The following KCNQ1OT1 variants were observed in gnomAD, a reference collection of about 807,000 sequenced individuals.
The protein encoded by KCNQ1OT1 is KCNQ1 antisense RNA 2 (non-protein coding).
At chr11:2,648,975 CTTTTTCTTTTTTTTT>C in exon 1 of KCNQ1OT1, 1 of 336,236 alleles carries the variant, frequency 3.0e-6, no homozygotes, top group Admixed American at 6.4e-5. Context: ...TCTCTTTTTT[CTTTTTCTTTTTTTTT>C]TTTTTTTTTT....
At chr11:2,665,694 A>G in exon 1 of KCNQ1OT1, 1 of 397,858 alleles carries the variant, frequency 2.5e-6, no homozygotes, top group Non-Finnish European at 4.4e-6. Context: ...CAGGAGGGAG[A>G]AGGGCATGTA....
chr11:2,656,998 G>A (rs1415264863), exon 1 of KCNQ1OT1: 1 of 398,496 alleles, frequency 2.5e-6, no homozygotes, highest in East Asian at 3.6e-5. Context: ...TTCCCAGGAT[G>A]TGCAGGCCAC....
exon 1 of KCNQ1OT1, chr11:2,675,628 A>AT (rs1396779399): frequency 5.0e-6 from 2 of 398,476 alleles, no homozygotes; most frequent in African/African-American, 4.1e-5. Context: ...AGCACCCCTT[A>AT]TTAGAGGGTG....
At position 2,654,481 on chromosome 11, in the gene KCNQ1OT1, G is replaced by A. The variant is rs530682960; in HGVS notation, n.45514C>T. 20 of 398,760 alleles carry A rather than the reference G, an allele frequency of 5.0e-5. No homozygotes were observed. Among genetic ancestry groups the A allele is most frequent in the Middle Eastern group, 6.3e-4 (1 of 1,590 alleles). The allele number at this position is 398,760 out of a possible 1,614,324, so 24.7% of individuals were successfully genotyped here. A position where few individuals can be genotyped will look rare whatever the true frequency, so the allele number is the denominator to read the frequency against. On this transcript the variant is annotated non_coding_transcript_exon_variant, in exon 1 of 1. Coordinates refer to ENST00000597346, the Ensembl canonical transcript of KCNQ1OT1. This position sits in a 1 kb window ranked among gnomAD's most constrained non-coding sequence, Gnocchi z 6.4. ...CCAGGCACACATAAGCCCTGCAGCC[G>A]TACAGGGGAGGGGGCAATCTCCGGA...
rs1850140448 is a variant in KCNQ1OT1 at position 2,669,313 on chromosome 11, T to G, written n.30682A>C. ...CTCACCATACATATGCCAGTTGCCA[T>G]GGAAAGCCTCCTCTAGGCGCAGCAG... On this transcript the variant is annotated non_coding_transcript_exon_variant, in exon 1 of 1. Transcript: ENST00000597346. This position sits in a 1 kb window ranked among gnomAD's most constrained non-coding sequence, Gnocchi z 5.6. 1 of 398,632 alleles carries G rather than the reference T, an allele frequency of 2.5e-6. No homozygotes were observed. The highest frequency in any genetic ancestry group is 4.4e-6 in the Non-Finnish European group (1 of 226,074). 24.7% of individuals were successfully genotyped at this position (398,632 alleles called of 1,614,324 possible).
chr11:2,631,229 C>T (rs1181145539), exon 1 of KCNQ1OT1: 1 of 398,506 alleles, frequency 2.5e-6, no homozygotes, highest in Admixed American at 4.4e-5. Context: ...AACATTAACT[C>T]TCCTGATGGT....
rs1284024568 is a variant in KCNQ1OT1, at chr11:2,620,221, T to TATTA, written n.79773_79774insTAAT. Reference sequence around the variant, plus strand: ...CATGTATATATATATATTTTTTTTTTTTATTTTTTTTTTAGACGGAGTTTC... The same window carrying TATTA: ...CATGTATATATATATATTTTTTTTTTATTATTATTTTTTTTTTAGACGGAGTTTC... On this transcript the variant is annotated non_coding_transcript_exon_variant, in exon 1 of 1. Transcript: ENST00000597346. This position sits in a 1 kb window ranked among gnomAD's most constrained non-coding sequence, Gnocchi z 4.5. 1.1e-5 allele frequency: 3 copies of TATTA among 280,188 alleles called. No individual in the cohort carries two copies. The highest frequency in any genetic ancestry group is 5.2e-5 in the Admixed American group (1 of 19,196). 17.4% of individuals were successfully genotyped at this position (280,188 alleles called of 1,614,324 possible).
Position 2,664,614 on chromosome 11 carries a change from C to T in KCNQ1OT1, n.35381G>A. On this transcript the variant is annotated non_coding_transcript_exon_variant, in exon 1 of 1. Transcript: ENST00000597346. The surrounding 1 kb of genome is among the most constrained non-coding windows in gnomAD (Gnocchi z 5.1). ...TCCTCCACCTCCTGCACAGCCCGCC[C>T]AGTGATGCCCATAATTAAATTCGGC... is the stretch of plus-strand genomic sequence containing the variant. 2.5e-6 allele frequency: 1 copy of T among 398,686 alleles called. No individual in the cohort carries two copies. The highest frequency in any genetic ancestry group is 4.4e-6 in the Non-Finnish European group (1 of 226,138). The allele number at this position is 398,686 out of a possible 1,614,324, so 24.7% of individuals were successfully genotyped here. A position where few individuals can be genotyped will look rare whatever the true frequency, so the allele number is the denominator to read the frequency against.
chr11:2,667,429 C>G (rs967967074), exon 1 of KCNQ1OT1: 1 of 398,618 alleles, frequency 2.5e-6, no homozygotes, highest in Admixed American at 4.4e-5. Context: ...GAACTCCCAG[C>G]CATGATGCTG....
chr11:2,678,164 TAA>T lies in KCNQ1OT1; in HGVS notation n.21829_21830del. ...TCCTTAGGTGTTTTGGCTTTTTCTA[TAA>T]TATTTTTCTGGTGGCAGAATTTTTT... On this transcript the variant is annotated non_coding_transcript_exon_variant, in exon 1 of 1. Coordinates refer to ENST00000597346, the Ensembl canonical transcript of KCNQ1OT1. The surrounding 1 kb of genome is among the most constrained non-coding windows in gnomAD (Gnocchi z 4.9). 1 of 398,356 alleles carries T rather than the reference TAA, an allele frequency of 2.5e-6. No individual in the cohort carries two copies. The highest frequency in any genetic ancestry group is 4.4e-6 in the Non-Finnish European group (1 of 225,954). 24.7% of individuals were successfully genotyped at this position (398,356 alleles called of 1,614,324 possible).
chr11:2,674,126 G>A lies in KCNQ1OT1; in HGVS notation n.25869C>T, dbSNP rs1590023360. On this transcript the variant is annotated non_coding_transcript_exon_variant, in exon 1 of 1. Transcript: ENST00000597346. The surrounding 1 kb of genome is among the most constrained non-coding windows in gnomAD (Gnocchi z 5.9). The stretch of plus-strand genomic sequence containing the variant: ...AGGGAGGTGTGGAAGCTGGTTTGCC[G>A]GGGCCACCCAGTGTGGGCTCAGGAA... 5.0e-6 allele frequency: 2 copies of A among 398,662 alleles called. No individual in the cohort carries two copies. Among genetic ancestry groups the A allele is most frequent in the South Asian group, 1.3e-4 (1 of 7,856 alleles). The allele number at this position is 398,662 out of a possible 1,614,324, so 24.7% of individuals were successfully genotyped here.
chr11:2,646,861 A>C (rs996476689), exon 1 of KCNQ1OT1: 12 of 398,482 alleles, frequency 3.0e-5, no homozygotes, highest in Non-Finnish European at 4.0e-5. Flanking sequence ...AACTTTATTG[A>C]ATTCCTTTAC....
At chr11:2,640,436 C>T (rs1428121124) in exon 1 of KCNQ1OT1, 27 of 398,500 alleles carry the variant, frequency 6.8e-5, no homozygotes, top group Non-Finnish European at 1.1e-4. Context: ...CAGGCATGCA[C>T]CACCATGCCT....
Position 2,621,681 on chromosome 11 carries a change from T to C in KCNQ1OT1, n.78314A>G, listed in dbSNP as rs1849174950. 2.5e-6 allele frequency: 1 copy of C among 398,408 alleles called. No homozygotes were observed. Among genetic ancestry groups the C allele is most frequent in the Admixed American group, 4.4e-5 (1 of 22,716 alleles). The allele number at this position is 398,408 out of a possible 1,614,324, so 24.7% of individuals were successfully genotyped here. On this transcript the variant is annotated non_coding_transcript_exon_variant, in exon 1 of 1. Coordinates refer to ENST00000597346, the Ensembl canonical transcript of KCNQ1OT1. This position sits in a 1 kb window ranked among gnomAD's most constrained non-coding sequence, Gnocchi z 5.7. ...CAATTTGTTGGGATATAATTGTTCATAAAAGTCCCTTATGATCCTTTTTAT... is the reference window on the plus strand; with the variant it reads ...CAATTTGTTGGGATATAATTGTTCACAAAAGTCCCTTATGATCCTTTTTAT...
rs911156676 is a variant in KCNQ1OT1, at chr11:2,624,408, C to A, written n.75587G>T. On this transcript the variant is annotated non_coding_transcript_exon_variant, in exon 1 of 1. Transcript: ENST00000597346. The surrounding 1 kb of genome is among the most constrained non-coding windows in gnomAD (Gnocchi z 4.9). ...GACAGTATGTTTTACAGAGCAGAAA[C>A]TTTTATTTTTAACAAAGTCTAGCTT... is the stretch of plus-strand genomic sequence containing the variant. 2 of 398,416 alleles carry A rather than the reference C, an allele frequency of 5.0e-6. No individual in the cohort carries two copies. Among genetic ancestry groups the A allele is most frequent in the Admixed American group, 8.8e-5 (2 of 22,722 alleles). 24.7% of individuals were successfully genotyped at this position (398,416 alleles called of 1,614,324 possible).
rs1848987312 is a variant in KCNQ1OT1, at chr11:2,612,131, C to T, written n.87864G>A. 1.0e-5 allele frequency: 4 copies of T among 398,508 alleles called. No individual in the cohort carries two copies. The highest frequency in any genetic ancestry group is 1.8e-5 in the Non-Finnish European group (4 of 226,078). The allele number at this position is 398,508 out of a possible 1,614,324, so 24.7% of individuals were successfully genotyped here. On this transcript the variant is annotated non_coding_transcript_exon_variant, in exon 1 of 1. Coordinates refer to ENST00000597346, the Ensembl canonical transcript of KCNQ1OT1. This position sits in a 1 kb window ranked among gnomAD's most constrained non-coding sequence, Gnocchi z 5.5. Reference sequence around the variant, plus strand: ...CAACCCCAGGGCCATGGACTGGTACCAGTCTGTGGCCTATTAGAAACTGGG... The same window carrying T: ...CAACCCCAGGGCCATGGACTGGTACTAGTCTGTGGCCTATTAGAAACTGGG...
exon 1 of KCNQ1OT1, chr11:2,641,054 C>T (rs1849568860): frequency 5.0e-6 from 2 of 398,320 alleles, no homozygotes; most frequent in Admixed American, 4.4e-5. Context: ...TTTTCTTTTT[C>T]CATTTATCCA....
rs1850503404 is a variant in KCNQ1OT1 at position 2,687,133 on chromosome 11, G to A, written n.12862C>T. The A allele has an allele frequency of 1.3e-5, 5 of 398,526 alleles. No homozygotes were observed. Among genetic ancestry groups the A allele is most frequent in the South Asian group, 2.5e-4 (2 of 7,860 alleles). 24.7% of individuals were successfully genotyped at this position (398,526 alleles called of 1,614,324 possible). A position where few individuals can be genotyped will look rare whatever the true frequency, so the allele number is the denominator to read the frequency against. On this transcript the variant is annotated non_coding_transcript_exon_variant, in exon 1 of 1. Coordinates refer to ENST00000597346, the Ensembl canonical transcript of KCNQ1OT1. The surrounding 1 kb of genome is among the most constrained non-coding windows in gnomAD (Gnocchi z 5.0). ...TGACACACAAACTGCACAGGGAGGG[G>A]AGGAATCTGAGCCAGCTTCCTCCAC...
exon 1 of KCNQ1OT1, chr11:2,629,963 A>C: frequency 2.5e-6 from 1 of 396,796 alleles, no homozygotes; most frequent in Non-Finnish European, 4.4e-6. Flanking sequence ...ACTGTGTTGA[A>C]TAGAAGTGGT....
Sources: allele counts gnomAD v4.1 joint callset, GRCh38; gene constraint gnomAD v4.1.1; non-coding constraint Gnocchi (gnomAD v3.1); transcripts MANE v1.5; gene names NCBI Gene and HGNC (gene_info 2026-07-23, HGNC 2026-07-21).